Variants in KIF13A observed in about 807,000 individuals in gnomAD.
KIF13A encodes kinesin family member 13A.
KIF13A carries 79 observed loss-of-function variants against 212.2 expected under a neutral mutation model. The ratio of observed to expected loss-of-function variants is 0.37; its 90% CI spans 0.31 to 0.45. The LOEUF (loss-of-function observed/expected upper bound fraction) is 0.45. KIF13A is among the 20% of genes least tolerant of loss of function. The pLI is 1.00. For synonymous variants in KIF13A, 789 were observed against 808.6 expected, an observed-to-expected ratio of 0.98 and a Z score of 0.41; for missense variants, 1,901 against 2,209.0, an observed-to-expected ratio of 0.86 and a Z score of 2.79.
At chr6:17,944,426 T>C (rs1777211832) in intron 2 of KIF13A, among the ~76,000 whole-genome samples, 1 of 152,186 alleles carries the variant, frequency 6.6e-6, no homozygotes, top group Non-Finnish European at 1.5e-5. Flanking sequence ...TCCCTGACCC[T>C]GGGTTATCTA....
intron 29 of KIF13A, among the ~76,000 whole-genome samples, chr6:17,781,542 CT>C (rs1284426568): frequency 1.3e-5 from 2 of 150,048 alleles, no homozygotes; most frequent in African/African-American, 4.9e-5. Flanking sequence ...CCAGTCTGGT[CT>C]TGAACTCCTA....
At chr6:17,903,092 A>G (rs1773186783) in intron 2 of KIF13A, among the ~76,000 whole-genome samples, 1 of 152,230 alleles carries the variant, frequency 6.6e-6, no homozygotes, top group African/African-American at 2.4e-5. Flanking sequence ...ATTTCTCTAG[A>G]CCAGCATTTC....
intron 2 of KIF13A, among the ~76,000 whole-genome samples, chr6:17,959,610 G>C (rs1230539635): frequency 6.6e-6 from 1 of 152,160 alleles, no homozygotes; most frequent in Non-Finnish European, 1.5e-5. Flanking sequence ...AACAAGTAGA[G>C]AGTACTCCTC....
rs1781634843 is a variant in KIF13A, at chr6:17,987,103, T to G, written c.97A>C (p.Asn33His). 2 of 1,613,540 alleles carry G rather than the reference T, an allele frequency of 1.2e-6. No homozygotes were observed. The highest frequency in any genetic ancestry group is 1.7e-6 in the Non-Finnish European group (2 of 1,179,676). Residue 33 changes from asparagine to histidine, a missense_variant, in exon 2 of 39, where the codon AAT (asparagine) becomes CAT (histidine). Asn to His is a moderately conservative substitution (Grantham distance 68). Transcript: ENST00000259711. The surrounding 1 kb of genome is among the most constrained non-coding windows in gnomAD (Gnocchi z 7.7). ...NTKCVVEMEGNQTVLHPPPSN... is the reference protein window; with the variant it reads ...NTKCVVEMEGHQTVLHPPPSN... ...GGAGGAGGGTGCAGGACCGTTTGAT[T>G]CCCTTCCATCTCCACCACGCACTTG...
At chr6:17,766,454 T>G (rs1424827830) in intron 38 of KIF13A, among the ~76,000 whole-genome samples, 1 of 152,078 alleles carries the variant, frequency 6.6e-6, no homozygotes, top group Non-Finnish European at 1.5e-5. Context: ...GTCAGGCTTG[T>G]CTCAAACTGC....
intron 3 of KIF13A, among the ~76,000 whole-genome samples, chr6:17,891,739 C>T (rs1011825740): frequency 2.0e-5 from 3 of 152,126 alleles, no homozygotes; most frequent in Non-Finnish European, 4.4e-5. Context: ...CCACTGTACT[C>T]CAGCCTCGGT....
In KIF13A at chr6:17,849,164, A is replaced by G. The variant is rs1767385829; in HGVS notation, c.830+213T>C. 1.3e-5 allele frequency among the ~76,000 whole-genome samples: 2 copies of G among 152,102 alleles called. No individual in the cohort carries two copies. The highest frequency in any genetic ancestry group is 2.9e-5 in the Non-Finnish European group (2 of 68,010). On this transcript the variant is annotated intron_variant, in intron 9 of 38. Coordinates refer to ENST00000259711, the MANE Select transcript of KIF13A (RefSeq NM_022113.6). The surrounding 1 kb of genome is among the most constrained non-coding windows in gnomAD (Gnocchi z 5.7). ...GTGATCTGCCCGCCTTGGCTTCCCA[A>G]AGTACTGGGATTACAGGCATGAGCC...
At chr6:17,775,854 T>C (rs1401567056) in intron 34 of KIF13A, among the ~76,000 whole-genome samples, 1 of 152,170 alleles carries the variant, frequency 6.6e-6, no homozygotes, top group African/African-American at 2.4e-5. Flanking sequence ...AAAATATTTT[T>C]TTTTTTAGAT....
chr6:17,831,686 C>A (rs939075670), intron 12 of KIF13A, among the ~76,000 whole-genome samples: 1 of 147,548 alleles, frequency 6.8e-6, no homozygotes, highest in Admixed American at 7.0e-5. Context: ...GCATGGCATA[C>A]GGAAGCACAC....
chr6:17,940,194 C>T (rs1357292833), intron 2 of KIF13A, among the ~76,000 whole-genome samples: 16 of 151,890 alleles, frequency 1.1e-4, no homozygotes, highest in Middle Eastern at 3.2e-3. Flanking sequence ...TTTTCCTCCT[C>T]TTCCTCTTCT....
chr6:17,821,588 T>TGTGTGTGTGTG (rs11270201), intron 16 of KIF13A, among the ~76,000 whole-genome samples: 39 of 146,304 alleles, frequency 2.7e-4, no homozygotes, highest in South Asian at 6.6e-4. Flanking sequence ...TGTGTGTGTG[T>TGTGTGTGTGTG]TGGGGGTGGG....
rs773796841 is a variant in KIF13A at position 17,802,385 on chromosome 6, G to A, written c.2454+1976C>T. Among the ~76,000 whole-genome samples the A allele has an allele frequency of 6.8e-4, 103 of 150,838 alleles. 1 individual carries two copies. The highest frequency in any genetic ancestry group is 1.3e-3 in the Non-Finnish European group (87 of 67,850). On this transcript the variant is annotated intron_variant, in intron 20 of 38. Coordinates refer to ENST00000259711, the MANE Select transcript of KIF13A (RefSeq NM_022113.6). ...CGGCTCACAGCAACCTCCGCCTCCC[G>A]GGTTCAAGCCATTCTCCTGCCTCAG...
At chr6:17,812,933 T>C (rs1763561943) in intron 17 of KIF13A, among the ~76,000 whole-genome samples, 1 of 152,250 alleles carries the variant, frequency 6.6e-6, no homozygotes, top group African/African-American at 2.4e-5. Context: ...TCATTGGTGA[T>C]AATGAACACT....
intron 23 of KIF13A, among the ~76,000 whole-genome samples, chr6:17,796,004 G>A (rs1761999798): frequency 6.6e-6 from 1 of 152,166 alleles, no homozygotes; most frequent in African/African-American, 2.4e-5. Context: ...TCTCCACATA[G>A]AGATGTAGTT....
chr6:17,850,304 G>T lies in KIF13A; in HGVS notation c.717+19C>A, dbSNP rs1267473975. The T allele has an allele frequency of 6.3e-7, 1 of 1,593,896 alleles. No individual in the cohort carries two copies. The highest frequency in any genetic ancestry group is 8.6e-7 in the Non-Finnish European group (1 of 1,167,936). ...GTTCTTCCACCCCCACTCCAAAAAG[G>T]TTCTGCCTAATCCCTTACCCCAGAC... On this transcript the variant is annotated intron_variant, in intron 8 of 38. Transcript: ENST00000259711. This position sits in a 1 kb window ranked among gnomAD's most constrained non-coding sequence, Gnocchi z 6.2.
intron 2 of KIF13A, among the ~76,000 whole-genome samples, chr6:17,964,265 C>T (rs1393758373): frequency 6.6e-6 from 1 of 152,150 alleles, no homozygotes; most frequent in Non-Finnish European, 1.5e-5. Context: ...AGCCATCGCC[C>T]TAATTCTTAT....
downstream of KIF13A, chr6:17,760,755 GC>G (rs1267005266): frequency 2.4e-6 from 3 of 1,238,942 alleles, no homozygotes; most frequent in African/African-American, 2.9e-5. Flanking sequence ...CTGAGGTCCA[GC>G]CAGGCGGCAG....
At chr6:17,851,174 A>G (rs776088690) in intron 7 of KIF13A, among the ~76,000 whole-genome samples, 10 of 152,204 alleles carry the variant, frequency 6.6e-5, no homozygotes, top group African/African-American at 9.7e-5. Context: ...GTATCCATTC[A>G]TTTCAGAATC....
Position 17,900,303 on chromosome 6 carries a change from T to TA in KIF13A, c.147-2124dup, listed in dbSNP as rs554107552. Among the ~76,000 whole-genome samples, 688 of 152,334 alleles carry TA rather than the reference T, an allele frequency of 4.5e-3. 1 individual carries two copies. The highest frequency in any genetic ancestry group is 8.0e-3 in the Non-Finnish European group (547 of 68,040). On this transcript the variant is annotated intron_variant, in intron 2 of 38. Transcript: ENST00000259711. This position sits in a 1 kb window ranked among gnomAD's most constrained non-coding sequence, Gnocchi z 4.6. ...ACCAGTGCTGGTTTGTAGTCAGTAG[T>TA]ACGTTCACCTTCTTAGCTGTCAATA...
Sources: gnomAD v4.1 joint callset for allele counts (sites outside exome capture counted in the v4.1 genomes callset) on GRCh38, gnomAD v4.1.1 for gene constraint, Gnocchi (gnomAD v3.1) non-coding constraint, MANE v1.5 for transcripts, NCBI Gene and HGNC (gene_info 2026-07-23, HGNC 2026-07-21) for gene names.